SHISAL1: variants seen among roughly 807,000 people sequenced by gnomAD.
SHISAL1 encodes protein shisa-like-1.
SHISAL1 carries 9 observed loss-of-function variants against 22.6 expected under a neutral mutation model. The observed-to-expected ratio is 0.40, with a 90% CI of 0.24 to 0.70. The LOEUF (loss-of-function observed/expected upper bound fraction) is 0.70. Among genes scored for constraint, SHISAL1 ranks in the 30% least tolerant of loss-of-function variants. SHISAL1 has a pLI of 0.39. For missense variants in SHISAL1, 246 were observed against 270.6 expected, an observed-to-expected ratio of 0.91 and a Z score of 0.64; for synonymous variants, 119 against 115.4, an observed-to-expected ratio of 1.03 and a Z score of -0.20.
intron 1 of SHISAL1, among the ~76,000 whole-genome samples, chr22:44,306,686 G>A (rs1160783161): frequency 7.6e-5 from 11 of 144,204 alleles, no homozygotes; most frequent in Non-Finnish European, 1.5e-4. Context: ...GATGGTGTGT[G>A]TGGAAGGGAC....
chr22:44,301,358 G>A (rs955369757), intron 1 of SHISAL1, among the ~76,000 whole-genome samples: 9 of 152,106 alleles, frequency 5.9e-5, no homozygotes, highest in African/African-American at 1.9e-4. Context: ...CTGCTGTGTC[G>A]CTAAGGTGGA....
chr22:44,293,293 G>T (rs900020310), intron 3 of SHISAL1, among the ~76,000 whole-genome samples: 1 of 152,206 alleles, frequency 6.6e-6, no homozygotes. Context: ...GAGGGAAGGC[G>T]GCGAGAAGAT....
the SHISAL1 span, among the ~76,000 whole-genome samples, chr22:44,324,898 T>G: frequency 6.6e-6 from 1 of 152,182 alleles, no homozygotes; most frequent in East Asian, 1.9e-4. Flanking sequence ...GATGCTACAC[T>G]GCCACACTCC....
rs1491154287 is a variant in SHISAL1, at chr22:44,253,425, A to ATTTTTTTTTTTTTTTTTTTTTTTTTTTTT, written c.*-3741_*-3740insAAAAAAAAAAAAAAAAAAAAAAAAAAAAA. Reference sequence around the variant, plus strand: ...AAGCAGAGTATGCTAGTATTAGTGCATGTTTTTTTTTTTTTTTTTTTTTGA... The same window carrying ATTTTTTTTTTTTTTTTTTTTTTTTTTTTT: ...AAGCAGAGTATGCTAGTATTAGTGCATTTTTTTTTTTTTTTTTTTTTTTTTTTTTTGTTTTTTTTTTTTTTTTTTTTTGA... On this transcript the variant is annotated intron_variant, in intron 4 of 4. Coordinates refer to ENST00000381176, the MANE Select transcript of SHISAL1 (RefSeq NM_001099294.2). Among the ~76,000 whole-genome samples the ATTTTTTTTTTTTTTTTTTTTTTTTTTTTT allele has an allele frequency of 1.9e-5, 2 of 107,884 alleles. 1 individual carries two copies. 70.8% of individuals were successfully genotyped at this position (107,884 alleles called of 152,430 possible). A position where few individuals can be genotyped will look rare whatever the true frequency, so the allele number is the denominator to read the frequency against.
In SHISAL1 at chr22:44,285,797, A is replaced by G. The variant is rs769024314; in HGVS notation, c.282-52T>C. 3 of 1,470,168 alleles carry G rather than the reference A, an allele frequency of 2.0e-6. No individual in the cohort carries two copies. In the South Asian group the frequency reaches 3.7e-5, roughly 18 times the overall value. The allele number at this position is 1,470,168 out of a possible 1,614,324, so 91.1% of individuals were successfully genotyped here. A position where few individuals can be genotyped will look rare whatever the true frequency, so the allele number is the denominator to read the frequency against. Reference sequence around the variant, plus strand: ...CAAGCAGAGGGGAGCAGTCCAGCTCAGGCCGGCTTCATCAGTGGGGCTGAT... The same window carrying G: ...CAAGCAGAGGGGAGCAGTCCAGCTCGGGCCGGCTTCATCAGTGGGGCTGAT... On this transcript the variant is annotated intron_variant, in intron 3 of 4. Coordinates refer to ENST00000381176, the MANE Select transcript of SHISAL1 (RefSeq NM_001099294.2).
intron 4 of SHISAL1, among the ~76,000 whole-genome samples, chr22:44,284,991 G>A (rs780511685): frequency 5.3e-5 from 8 of 151,402 alleles, no homozygotes; most frequent in Non-Finnish European, 1.2e-4. Context: ...TACAAGGCAT[G>A]TACACATAAG....
intron 3 of SHISAL1, among the ~76,000 whole-genome samples, chr22:44,288,513 C>A (rs554312052): frequency 1.5e-3 from 232 of 151,980 alleles, no homozygotes; most frequent in African/African-American, 5.4e-3. Flanking sequence ...TGGTGGCGGG[C>A]GCCTGTAATC....
chr22:44,287,012 C>T (rs1483722628), intron 3 of SHISAL1, among the ~76,000 whole-genome samples: 16 of 152,264 alleles, frequency 1.1e-4, no homozygotes, highest in Admixed American at 9.8e-4. Context: ...AGACTCACCT[C>T]GCTCTCGCCC....
intron 4 of SHISAL1, among the ~76,000 whole-genome samples, chr22:44,258,553 A>C (rs1360001779): frequency 6.6e-6 from 1 of 152,098 alleles, no homozygotes; most frequent in East Asian, 1.9e-4. Flanking sequence ...CCCACTTATA[A>C]GTGAGAGCAT....
At chr22:44,289,505 G>T (rs938635988) in intron 3 of SHISAL1, among the ~76,000 whole-genome samples, 1 of 121,328 alleles carries the variant, frequency 8.2e-6, no homozygotes, top group South Asian at 2.7e-4. Flanking sequence ...TTTACTGCCG[G>T]GCTCCTGGCC....
intron 1 of SHISAL1, among the ~76,000 whole-genome samples, chr22:44,305,623 T>C (rs2055465167): frequency 6.6e-6 from 1 of 152,208 alleles, no homozygotes; most frequent in African/African-American, 2.4e-5. Flanking sequence ...ACACCAGCCT[T>C]GGGCCCTCAG....
the SHISAL1 span, among the ~76,000 whole-genome samples, chr22:44,326,730 G>A: frequency 5.3e-3 from 809 of 152,244 alleles, 3 homozygotes; most frequent in Middle Eastern, 0.041. Flanking sequence ...AGGCTGGGGG[G>A]TATGGGCTGT....
chr22:44,305,092 T>C (rs549569664), intron 1 of SHISAL1, among the ~76,000 whole-genome samples: 2 of 152,324 alleles, frequency 1.3e-5, no homozygotes, highest in East Asian at 3.9e-4. Flanking sequence ...CTTTAGAAGC[T>C]GCTTCAGTAC....
chr22:44,327,922 G>A, the SHISAL1 span, among the ~76,000 whole-genome samples: 1 of 152,148 alleles, frequency 6.6e-6, no homozygotes, highest in African/African-American at 2.4e-5. Flanking sequence ...AATTGTTTCA[G>A]TAACTTCTGA....
At chr22:44,287,741 A>G (rs1001119554) in intron 3 of SHISAL1, among the ~76,000 whole-genome samples, 2 of 152,206 alleles carry the variant, frequency 1.3e-5, no homozygotes, top group Non-Finnish European at 2.9e-5. Context: ...AGAGGCCTGC[A>G]GCCCCATCCA....
At chr22:44,289,834 G>A (rs1601795834) in intron 3 of SHISAL1, among the ~76,000 whole-genome samples, 1 of 152,214 alleles carries the variant, frequency 6.6e-6, no homozygotes, top group African/African-American at 2.4e-5. Context: ...CAGATGCAGG[G>A]GTCTTTGTTG....
intron 3 of SHISAL1, among the ~76,000 whole-genome samples, chr22:44,287,931 G>C (rs1417936859): frequency 6.6e-6 from 1 of 152,212 alleles, no homozygotes; most frequent in East Asian, 1.9e-4. Context: ...CGGGGGCTGA[G>C]GGAGGAGACG....
chr22:44,279,732 C>T (rs2055263538), intron 4 of SHISAL1, among the ~76,000 whole-genome samples: 1 of 152,182 alleles, frequency 6.6e-6, no homozygotes, highest in Non-Finnish European at 1.5e-5. Flanking sequence ...CTTCAGGTGG[C>T]CTGAAGTCCC....
At chr22:44,320,002 A>T in the SHISAL1 span, among the ~76,000 whole-genome samples, 2 of 152,120 alleles carry the variant, frequency 1.3e-5, no homozygotes, top group Non-Finnish European at 2.9e-5. Context: ...TGTGACTGTG[A>T]ATGGGTCACT....
Sources: gnomAD v4.1 joint callset for allele counts (sites outside exome capture counted in the v4.1 genomes callset) on GRCh38, gnomAD v4.1.1 for gene constraint, MANE v1.5 for transcripts, NCBI Gene and HGNC (gene_info 2026-07-23, HGNC 2026-07-21) for gene names.